The following BSN variants were observed in gnomAD, a reference collection of about 807,000 sequenced individuals.
BSN encodes the protein bassoon presynaptic cytomatrix protein, also known as protein bassoon.
BSN carries 57 observed loss-of-function variants against 264.8 expected under a neutral mutation model. The ratio of observed to expected loss-of-function variants is 0.22; its 90% CI spans 0.17 to 0.27. The LOEUF (loss-of-function observed/expected upper bound fraction) is 0.27. Ranked by LOEUF, BSN falls within the 10% of genes least tolerant of loss-of-function variation. The pLI is 1.00. For missense variants in BSN, 4,615 were observed against 5,232.5 expected (o/e 0.88, Z 3.64); for synonymous variants, 2,059 against 2,137.3 (o/e 0.96, Z 1.01).
chr3:49,626,627 C>A (rs2052342753), intron 2 of BSN, among the ~76,000 whole-genome samples: 1 of 152,200 alleles, frequency 6.6e-6, no homozygotes, highest in South Asian at 2.1e-4. Context: ...GAATTTGGAA[C>A]AATACGATTA....
Position 49,656,533 on chromosome 3 carries a change from C to G in BSN, c.6977C>G (p.Pro2326Arg), listed in dbSNP as rs2052603072. The stretch of plus-strand genomic sequence containing the variant: ...GCCATCAAGGAGGCTGCAGGAGCCC[C>G]AGCTCCTGCCCCACTAGCTGGCCAG... ...PAAIKEAAGA[P>R]APAPLAGQKP... Residue 2326 changes from proline to arginine, a missense_variant, in exon 5 of 12, where the codon CCA (proline) becomes CGA (arginine). This residue lies in a region of BSN where 3,415 missense variants were observed against 3,866.4 expected (regional missense o/e 0.88). Transcript: ENST00000296452. 6.4e-7 allele frequency: 1 copy of G among 1,568,242 alleles called. No homozygotes were observed.
chr3:49,589,114 C>T (rs1471924702), intron 1 of BSN, among the ~76,000 whole-genome samples: 5 of 119,756 alleles, frequency 4.2e-5, no homozygotes, highest in Middle Eastern at 5.3e-3. Context: ...TTAGTAGAGA[C>T]GGGGTTTCAG....
chr3:49,663,947 A>C, intron 8 of BSN, 61 bp downstream of exon 8: 1 of 1,498,442 alleles, frequency 6.7e-7, no homozygotes, highest in Non-Finnish European at 9.2e-7. Flanking sequence ...TTCTCTCTCT[A>C]TACCACCTGT....
chr3:49,592,826 C>T (rs1477102146), intron 1 of BSN, among the ~76,000 whole-genome samples: 1 of 151,974 alleles, frequency 6.6e-6, no homozygotes, highest in Admixed American at 6.6e-5. Context: ...TAATGTTTAG[C>T]AAAATGGTGC....
In BSN at chr3:49,667,631, G is replaced by A. The variant is rs1250901569; in HGVS notation, c.*146G>A. On this transcript the variant is annotated 3_prime_UTR_variant, in exon 12 of 12. Coordinates refer to ENST00000296452, the MANE Select transcript of BSN (RefSeq NM_003458.4). ...AACCCTTGGCCCAAAGACTCACCAG[G>A]TGGGACGTGGCAGGCAGGCCTCAGT... The A allele has an allele frequency of 6.6e-6, 1 of 152,670 alleles. No individual in the cohort carries two copies. Among genetic ancestry groups the A allele is most frequent in the African/African-American group, 2.4e-5 (1 of 41,422 alleles). The allele number at this position is 152,670 out of a possible 1,614,324, so 9.5% of individuals were successfully genotyped here. A position where few individuals can be genotyped will look rare whatever the true frequency, so the allele number is the denominator to read the frequency against.
Position 49,661,321 on chromosome 3 carries a change from C to T in BSN, c.9476C>T (p.Thr3159Ile). The T allele has an allele frequency of 6.2e-7, 1 of 1,613,986 alleles. No individual in the cohort carries two copies. Among genetic ancestry groups the T allele is most frequent in the Non-Finnish European group, 8.5e-7 (1 of 1,180,044 alleles). Residue 3159 changes from threonine to isoleucine, a missense_variant, in exon 6 of 12, where the codon ACC (threonine) becomes ATC (isoleucine). Physicochemically the swap from Thr to Ile is moderately conservative, Grantham distance 89. Coordinates refer to ENST00000296452, the MANE Select transcript of BSN (RefSeq NM_003458.4). ...SLADLEQKVP[T>I]NYEVIASPVV... ...GCCGACTTGGAGCAGAAGGTGCCCA[C>T]CAACTATGAGGTGATCGCCAGCCCC...
rs1049123985 is a variant in BSN at position 49,638,622 on chromosome 3, A to G, written c.634-3646A>G. Among the ~76,000 whole-genome samples the G allele has an allele frequency of 6.6e-6, 1 of 152,330 alleles. No individual in the cohort carries two copies. The highest frequency in any genetic ancestry group is 2.1e-4 in the South Asian group (1 of 4,828). On this transcript the variant is annotated intron_variant, in intron 2 of 11. Transcript: ENST00000296452. This position sits in a 1 kb window ranked among gnomAD's most constrained non-coding sequence, Gnocchi z 4.3. Reference sequence around the variant, plus strand: ...AGGCTGGATAGAAATAGCTGCACCCATCTGGGCGATGAGTCACTGAGGGGC... The same window carrying G: ...AGGCTGGATAGAAATAGCTGCACCCGTCTGGGCGATGAGTCACTGAGGGGC...
At chr3:49,593,887 C>T (rs1450013911) in intron 1 of BSN, among the ~76,000 whole-genome samples, 1 of 148,734 alleles carries the variant, frequency 6.7e-6, no homozygotes, top group African/African-American at 2.5e-5. Context: ...ACTGCAAACT[C>T]CGCCTCCCAG....
chr3:49,567,688 A>G (rs2051763015), intron 1 of BSN, among the ~76,000 whole-genome samples: 1 of 152,238 alleles, frequency 6.6e-6, no homozygotes, highest in African/African-American at 2.4e-5. Flanking sequence ...AAGGAGTTGT[A>G]TTGCAGTTAC....
Position 49,657,323 on chromosome 3 carries a change from TGAG to T in BSN, c.7770_7772del (p.Glu2590del). On this transcript the variant is annotated inframe_deletion, in exon 5 of 12. Transcript: ENST00000296452. ...CCGACAGCAGCGTGCAGACAGACGA[TGAG>T]GATGGGGAGAGCCGCTACCTCTTGA... 1 of 1,613,414 alleles carries T rather than the reference TGAG, an allele frequency of 6.2e-7. No homozygotes were observed. Among genetic ancestry groups the T allele is most frequent in the Non-Finnish European group, 8.5e-7 (1 of 1,179,980 alleles).
chr3:49,603,301 G>T (rs983943515), intron 1 of BSN, among the ~76,000 whole-genome samples: 13 of 152,202 alleles, frequency 8.5e-5, no homozygotes, highest in Admixed American at 1.3e-4. Flanking sequence ...TTGCTACCTG[G>T]CTACTGTGGA....
At chr3:49,617,115 A>G (rs2108050907) in intron 1 of BSN, among the ~76,000 whole-genome samples, 1 of 152,208 alleles carries the variant, frequency 6.6e-6, no homozygotes, top group South Asian at 2.1e-4. Context: ...TTTCTTGGCC[A>G]TCTTAAAAAT....
At chr3:49,663,705 G>A (rs1559620119) in intron 7 of BSN, 39 bp downstream of exon 7, 1 of 1,606,008 alleles carries the variant, frequency 6.2e-7, no homozygotes, top group Non-Finnish European at 8.5e-7. Context: ...AACCAGGGAA[G>A]ATGCTATGAA....
intron 1 of BSN, among the ~76,000 whole-genome samples, chr3:49,594,521 C>T (rs1428590015): frequency 6.6e-6 from 1 of 152,246 alleles, no homozygotes; most frequent in East Asian, 1.9e-4. Context: ...TATTCTAAAT[C>T]CTCTATTGAT....
chr3:49,644,666 C>T (rs1028806649), intron 3 of BSN, among the ~76,000 whole-genome samples: 1 of 152,188 alleles, frequency 6.6e-6, no homozygotes, highest in African/African-American at 2.4e-5. Flanking sequence ...CCAGAGACCT[C>T]CAGGCACAAG....
chr3:49,655,303 C>T lies in BSN; in HGVS notation c.5747C>T (p.Thr1916Ile). ...KLPFGSSCTG[T>I]FHPAPSVPEK... ...CCCTTTGGCAGCAGCTGCACTGGCA[C>T]CTTCCACCCGGCCCCCAGTGTGCCT... The change falls in exon 5 of 12, where the codon ACC (threonine) becomes ATC (isoleucine). Residue 1916 changes from threonine to isoleucine, a missense_variant. This residue lies in a region of BSN where 3,415 missense variants were observed against 3,866.4 expected (regional missense o/e 0.88). Transcript: ENST00000296452. The T allele has an allele frequency of 6.2e-7, 1 of 1,611,934 alleles. No homozygotes were observed. Among genetic ancestry groups the T allele is most frequent in the Non-Finnish European group, 8.5e-7 (1 of 1,179,368 alleles).
Position 49,654,307 on chromosome 3 carries a change from C to T in BSN, c.4751C>T (p.Pro1584Leu). 6.2e-7 allele frequency: 1 copy of T among 1,613,778 alleles called. No individual in the cohort carries two copies. Residue 1584 changes from proline (P) to leucine (L), a missense_variant, in exon 5 of 12, where the codon CCT (proline) becomes CTT (leucine). Pro to Leu is a moderately conservative substitution (Grantham distance 98). This residue lies in a region of BSN where 3,415 missense variants were observed against 3,866.4 expected (regional missense o/e 0.88). Coordinates refer to ENST00000296452, the MANE Select transcript of BSN (RefSeq NM_003458.4). This position sits in a 1 kb window ranked among gnomAD's most constrained non-coding sequence, Gnocchi z 4.1. ...ASASTSPLCS[P>L]TETQPTTHGY... ...GCCTCCACCTCCCCGCTCTGCTCAC[C>T]TACTGAAACCCAGCCCACCACCCAT...
Position 49,657,752 on chromosome 3 carries a change from G to A in BSN, c.8196G>A (p.Pro2732=), listed in dbSNP as rs146939815. The A allele has an allele frequency of 6.8e-5, 105 of 1,548,242 alleles. No individual in the cohort carries two copies. The highest frequency in any genetic ancestry group is 1.7e-4 in the Middle Eastern group (1 of 5,748). Residue 2732 remains proline (P), a synonymous_variant, in exon 5 of 12, where the codon CCG becomes CCA. Coordinates refer to ENST00000296452, the MANE Select transcript of BSN (RefSeq NM_003458.4). The part of the protein sequence containing the change: ...PDGQAQGVAG[P]QLVGPTAISP... ...GGCAGGCCCAGGGTGTAGCCGGGCC[G>A]CAGCTTGTAGGGCCAACTGCCATCA... is the stretch of plus-strand genomic sequence containing the variant.
intron 6 of BSN, 146 bp downstream of exon 6, chr3:49,662,708 C>T (rs2052671027): frequency 1.7e-6 from 2 of 1,175,212 alleles, no homozygotes; most frequent in Non-Finnish European, 2.2e-6. Context: ...CTGCCCTTGC[C>T]TGCTCCATCT....
Sources: allele counts gnomAD v4.1 joint callset (sites outside exome capture counted in the v4.1 genomes callset), GRCh38; gene constraint gnomAD v4.1.1; regional missense constraint gnomAD v4.1.1; non-coding constraint Gnocchi (gnomAD v3.1); transcripts MANE v1.5; gene names NCBI Gene and HGNC (gene_info 2026-07-23, HGNC 2026-07-21).